OR1J2: variants seen among roughly 807,000 people sequenced by gnomAD.
OR1J2 encodes olfactory receptor family 1 subfamily J member 2, also known as olfactory receptor 1J2.
For synonymous variants in OR1J2, 142 were observed against 99.7 expected (o/e 1.42, Z -2.52); for missense variants, 304 against 246.1 (o/e 1.24, Z -1.57).
chr9:122,498,015 A>G, the OR1J2 span, among the ~76,000 whole-genome samples: 3 of 148,946 alleles, frequency 2.0e-5, no homozygotes, highest in South Asian at 4.2e-4. Flanking sequence ...ATTAATTTCT[A>G]TTTTTATTCC....
the OR1J2 span, among the ~76,000 whole-genome samples, chr9:122,451,710 C>T: frequency 6.6e-6 from 1 of 152,188 alleles, no homozygotes; most frequent in Non-Finnish European, 1.5e-5. Context: ...AAAGATTAGA[C>T]AATGTTCAGG....
chr9:122,507,607 G>A (rs1387250226), upstream of OR1J2, among the ~76,000 whole-genome samples: 1 of 152,090 alleles, frequency 6.6e-6, no homozygotes, highest in Non-Finnish European at 1.5e-5. Context: ...AACTCCAGCA[G>A]TAGAATGATC....
chr9:122,519,996 A>G, the OR1J2 span: 18 of 1,614,052 alleles, frequency 1.1e-5, no homozygotes, highest in African/African-American at 2.3e-4. Context: ...CCCATTGCTG[A>G]ATCCCTTCAT....
At chr9:122,448,360 C>T in the OR1J2 span, among the ~76,000 whole-genome samples, 4 of 152,196 alleles carry the variant, frequency 2.6e-5, no homozygotes, top group Non-Finnish European at 4.4e-5. Flanking sequence ...GGCAGTTTTT[C>T]TCCTACCTCA....
At chr9:122,534,957 C>T in the OR1J2 span, among the ~76,000 whole-genome samples, 3,229 of 152,024 alleles carry the variant, frequency 0.021, 102 homozygotes, top group African/African-American at 0.072. Flanking sequence ...TGGGGTCAAG[C>T]GGCATTGTAG....
the OR1J2 span, among the ~76,000 whole-genome samples, chr9:122,466,352 G>A: frequency 6.6e-6 from 1 of 152,120 alleles, no homozygotes; most frequent in Non-Finnish European, 1.5e-5. Context: ...AGTTGGCTCC[G>A]GGTTGTATTT....
At chr9:122,526,348 G>T in the OR1J2 span, 2 of 1,452,844 alleles carry the variant, frequency 1.4e-6, no homozygotes. Flanking sequence ...AAATGTTGCT[G>T]TCACCACATC....
the OR1J2 span, among the ~76,000 whole-genome samples, chr9:122,572,125 AACTC>A: frequency 4.6e-5 from 7 of 152,230 alleles, no homozygotes; most frequent in African/African-American, 1.2e-4. Flanking sequence ...ATCTTGTGAA[AACTC>A]ACTCACTAAC....
chr9:122,448,509 C>T, the OR1J2 span, among the ~76,000 whole-genome samples: 6 of 152,138 alleles, frequency 3.9e-5, no homozygotes, highest in Non-Finnish European at 7.4e-5. Context: ...AGACCCTTCA[C>T]GGGCGTCAGG....
At chr9:122,454,516 T>TA in the OR1J2 span, among the ~76,000 whole-genome samples, 2,699 of 145,078 alleles carry the variant, frequency 0.019, 73 homozygotes, top group African/African-American at 0.063. Flanking sequence ...AGACTCGATC[T>TA]AAAAAAAAAA....
At chr9:122,525,200 G>T in the OR1J2 span, among the ~76,000 whole-genome samples, 1 of 152,170 alleles carries the variant, frequency 6.6e-6, no homozygotes, top group African/African-American at 2.4e-5. Context: ...TCCAGGTCAT[G>T]AAATAAATGG....
At chr9:122,472,427 A>T in the OR1J2 span, among the ~76,000 whole-genome samples, 26 of 152,320 alleles carry the variant, frequency 1.7e-4, no homozygotes, top group African/African-American at 6.3e-4. Context: ...CACCAATAGT[A>T]CTCTTAAGAC....
the OR1J2 span, among the ~76,000 whole-genome samples, chr9:122,547,578 A>G: frequency 4.6e-5 from 7 of 151,128 alleles, no homozygotes; most frequent in African/African-American, 9.7e-5. Context: ...TTCCACTTCT[A>G]TGCCCAACTT....
chr9:122,469,349 T>C, the OR1J2 span, among the ~76,000 whole-genome samples: 1 of 152,218 alleles, frequency 6.6e-6, no homozygotes, highest in Non-Finnish European at 1.5e-5. Context: ...TCTCATGAGA[T>C]CTGTCGTTTT....
the OR1J2 span, among the ~76,000 whole-genome samples, chr9:122,461,499 G>A: frequency 1.2e-4 from 19 of 152,104 alleles, no homozygotes; most frequent in South Asian, 1.9e-3. Flanking sequence ...GTTACATGAG[G>A]TGTGACCTTA....
At chr9:122,551,272 G>T in the OR1J2 span, among the ~76,000 whole-genome samples, 1 of 152,158 alleles carries the variant, frequency 6.6e-6, no homozygotes, top group Admixed American at 6.5e-5. Flanking sequence ...AGTCATTACA[G>T]ACCTAGGTGG....
chr9:122,496,401 G>A, the OR1J2 span, among the ~76,000 whole-genome samples: 3 of 152,142 alleles, frequency 2.0e-5, no homozygotes, highest in African/African-American at 4.8e-5. Flanking sequence ...GAGGCTTGCC[G>A]CGGCTTCTGT....
chr9:122,580,112 A>G, the OR1J2 span, among the ~76,000 whole-genome samples: 52 of 152,292 alleles, frequency 3.4e-4, no homozygotes, highest in African/African-American at 1.1e-3. Flanking sequence ...GCCGCTCCTA[A>G]AGCAAATGCC....
At chr9:122,467,939 A>C in the OR1J2 span, among the ~76,000 whole-genome samples, 1 of 152,238 alleles carries the variant, frequency 6.6e-6, no homozygotes, top group Non-Finnish European at 1.5e-5. Context: ...CAGGGGATCA[A>C]GCCAACCAAT....
Sources: allele counts gnomAD v4.1 joint callset (sites outside exome capture counted in the v4.1 genomes callset), GRCh38; gene constraint gnomAD v4.1.1; transcripts MANE v1.5; gene names NCBI Gene and HGNC (gene_info 2026-07-23, HGNC 2026-07-21).